Variants in HMGCL observed in about 807,000 individuals in gnomAD.
The protein encoded by HMGCL is hydroxymethylglutaryl-CoA lyase, mitochondrial.
A neutral mutation model predicts 37.3 loss-of-function variants in HMGCL; 26 were observed. The observed-to-expected ratio is 0.70, with a 90% CI of 0.51 to 0.97. HMGCL has a LOEUF of 0.97. Among genes scored for constraint, HMGCL ranks in the 50% least tolerant of loss-of-function variants. The pLI is 0.00. For missense variants in HMGCL, 379 were observed against 398.1 expected (o/e 0.95, Z 0.41); for synonymous variants, 151 against 148.0 (o/e 1.02, Z -0.15).
Position 23,804,403 on chromosome 1 carries a change from G to C in HMGCL, c.873C>G (p.His291Gln). The change falls in exon 8 of 9, where the codon CAC becomes CAG. Residue 291 changes from histidine to glutamine, a missense_variant. Coordinates refer to ENST00000374490, the MANE Select transcript of HMGCL (RefSeq NM_000191.3). ...ACCAGGGGGTGGGTGGGCTTACCGT[G>C]TGAATGCCCAAGCCCTCTAGCATGT... Reference protein sequence around the residue: ...LVYMLEGLGIHTGVNLQKLLE... With the variant: ...LVYMLEGLGIQTGVNLQKLLE... The C allele has an allele frequency of 6.2e-7, 1 of 1,614,200 alleles. No individual in the cohort carries two copies. Among genetic ancestry groups the C allele is most frequent in the Non-Finnish European group, 8.5e-7 (1 of 1,180,036 alleles).
intron 7 of HMGCL, among the ~76,000 whole-genome samples, chr1:23,807,588 G>A (rs1638435436): frequency 6.6e-6 from 1 of 152,166 alleles, no homozygotes; most frequent in Admixed American, 6.5e-5. Context: ...ACTAATCTGA[G>A]GTCTTAGCTC....
intron 8 of HMGCL, 55 bp from the exon 9 acceptor site, chr1:23,802,619 G>A (rs1638305253): frequency 9.1e-7 from 1 of 1,101,912 alleles, no homozygotes; most frequent in African/African-American, 1.5e-5. Context: ...TCAACACCAG[G>A]GAAAACATCA....
chr1:23,805,081 T>C lies in HMGCL; in HGVS notation c.751-556A>G, dbSNP rs72872185. Reference sequence around the variant, plus strand: ...TGCTGCTTTATGGAAATGGATGCAATCAAGAGATGTCTCCATTGATTCCCA... The same window carrying C: ...TGCTGCTTTATGGAAATGGATGCAACCAAGAGATGTCTCCATTGATTCCCA... On this transcript the variant is annotated intron_variant, in intron 7 of 8. Transcript: ENST00000374490. Among the ~76,000 whole-genome samples the C allele has an allele frequency of 1.2e-3, 182 of 152,122 alleles. 1 individual carries two copies. Among genetic ancestry groups the C allele is most frequent in the African/African-American group, 4.3e-3 (179 of 41,492 alleles).
rs183053047 is a variant in HMGCL at position 23,813,563 on chromosome 1, C to T, written c.497+627G>A. Among the ~76,000 whole-genome samples, 11 of 152,172 alleles carry T rather than the reference C, an allele frequency of 7.2e-5. No homozygotes were observed. In the East Asian group the frequency reaches 1.4e-3, roughly 19 times the overall value. On this transcript the variant is annotated intron_variant, in intron 5 of 8. Transcript: ENST00000374490. ...GATTACAGGTGTGAGCCACCATGCC[C>T]GGCCTCTGGCTGCAATTTGCACAGC...
rs1391681111 is a variant in HMGCL, at chr1:23,816,777, A to G, written c.253-7T>C. On this transcript the variant is annotated splice_region_variant and splice_polypyrimidine_tract_variant and intron_variant, in intron 3 of 8. Coordinates refer to ENST00000374490, the MANE Select transcript of HMGCL (RefSeq NM_000191.3). Reference sequence around the variant, plus strand: ...CTTCAGTGTGGTCACCCATCTAGGAACCAAGGGAGACATTGCCAAGTCATC... The same window carrying G: ...CTTCAGTGTGGTCACCCATCTAGGAGCCAAGGGAGACATTGCCAAGTCATC... 3.8e-6 allele frequency: 6 copies of G among 1,566,932 alleles called. No homozygotes were observed. Among genetic ancestry groups the G allele is most frequent in the Admixed American group, 1.7e-5 (1 of 59,982 alleles).
chr1:23,813,756 T>C (rs190588715), intron 5 of HMGCL: 121 of 218,476 alleles, frequency 5.5e-4, no homozygotes, highest in Non-Finnish European at 9.2e-4. Flanking sequence ...GTTGGAAACA[T>C]AGAAGCCTAG....
At position 23,820,377 on chromosome 1, in the gene HMGCL, C is replaced by T. The variant is rs548449795; in HGVS notation, c.144+133G>A. On this transcript the variant is annotated intron_variant, in intron 2 of 8. Transcript: ENST00000374490. Reference sequence around the variant, plus strand: ...CAGGTGTCTGTCCCTGTTTGGCCTCCTCTACTCTCCCCTAACTTGTGCAGA... The same window carrying T: ...CAGGTGTCTGTCCCTGTTTGGCCTCTTCTACTCTCCCCTAACTTGTGCAGA... 7 of 736,018 alleles carry T rather than the reference C, an allele frequency of 9.5e-6. No individual in the cohort carries two copies. In the African/African-American group the frequency reaches 1.0e-4, roughly 11 times the overall value. The allele number at this position is 736,018 out of a possible 1,614,324, so 45.6% of individuals were successfully genotyped here. A position where few individuals can be genotyped will look rare whatever the true frequency, so the allele number is the denominator to read the frequency against.
intron 5 of HMGCL, among the ~76,000 whole-genome samples, chr1:23,812,336 C>T (rs1033202023): frequency 5.9e-5 from 9 of 152,154 alleles, no homozygotes; most frequent in African/African-American, 2.2e-4. Flanking sequence ...GAGTTATCCC[C>T]GAGAAGCATG....
intron 5 of HMGCL, among the ~76,000 whole-genome samples, chr1:23,812,445 C>T (rs981778806): frequency 6.6e-6 from 1 of 152,134 alleles, no homozygotes; most frequent in Admixed American, 6.6e-5. Flanking sequence ...CAGCTTGGAC[C>T]TCCCAGGCTC....
At chr1:23,823,707 C>T (rs1638764710) in intron 1 of HMGCL, among the ~76,000 whole-genome samples, 1 of 151,954 alleles carries the variant, frequency 6.6e-6, no homozygotes, top group Admixed American at 6.6e-5. Context: ...CAGGTAGGAA[C>T]TATCATCATC....
chr1:23,813,767 G>A (rs1358350675), intron 5 of HMGCL: 5 of 226,804 alleles, frequency 2.2e-5, no homozygotes, highest in African/African-American at 9.0e-5. Context: ...AGAAGCCTAG[G>A]TAATTCTCCA....
At chr1:23,816,599 G>A in intron 4 of HMGCL, 76 bp downstream of exon 4, 2 of 917,362 alleles carry the variant, frequency 2.2e-6, no homozygotes, top group Non-Finnish European at 3.7e-6. Context: ...ACAGGGGACT[G>A]AGGCGCCAAG....
chr1:23,814,903 G>C (rs927145550), intron 4 of HMGCL, among the ~76,000 whole-genome samples: 1 of 151,928 alleles, frequency 6.6e-6, no homozygotes, highest in Non-Finnish European at 1.5e-5. Context: ...CCATACGACT[G>C]GTGACCTTAA....
chr1:23,805,736 T>C (rs1215415618), intron 7 of HMGCL, among the ~76,000 whole-genome samples: 1 of 152,028 alleles, frequency 6.6e-6, no homozygotes, highest in African/African-American at 2.4e-5. Flanking sequence ...AGCTTCTCTA[T>C]CTCCACTCAC....
At chr1:23,815,802 C>T (rs1638601762) in intron 4 of HMGCL, among the ~76,000 whole-genome samples, 1 of 151,450 alleles carries the variant, frequency 6.6e-6, no homozygotes, top group African/African-American at 2.4e-5. Flanking sequence ...GCCTGTAGTG[C>T]TTTCTTACAG....
In HMGCL at chr1:23,802,351, A is replaced by G; in HGVS notation, c.*112T>C. 1 of 785,214 alleles carries G rather than the reference A, an allele frequency of 1.3e-6. No individual in the cohort carries two copies. The highest frequency in any genetic ancestry group is 3.0e-4 in the Middle Eastern group (1 of 3,312). The allele number at this position is 785,214 out of a possible 1,614,324, so 48.6% of individuals were successfully genotyped here. ...GAGAGACCTCTGTGTAGAGCTGGCT[A>G]TGAGGTACCTGCACCATTTAACCTA... is the stretch of plus-strand genomic sequence containing the variant. On this transcript the variant is annotated 3_prime_UTR_variant, in exon 9 of 9. Transcript: ENST00000374490.
At chr1:23,811,466 T>C (rs1158620795) in intron 5 of HMGCL, among the ~76,000 whole-genome samples, 1 of 152,144 alleles carries the variant, frequency 6.6e-6, no homozygotes. Flanking sequence ...AGAAGTGATG[T>C]GCCACAGAGG....
Position 23,808,222 on chromosome 1 carries a change from G to C in HMGCL, c.663C>G (p.Val221=), listed in dbSNP as rs143884026. ...PGIMKDMLSA[V]MQEVPLAALA... is the part of the protein sequence containing the mutation. Reference sequence around the variant, plus strand: ...GGGCAGCCAGAGGCACTTCCTGCATGACAGCAGATAGCATGTCTTTCATGA... The same window carrying C: ...GGGCAGCCAGAGGCACTTCCTGCATCACAGCAGATAGCATGTCTTTCATGA... The change falls in exon 7 of 9, where the codon GTC becomes GTG. Residue 221 remains valine (V), a synonymous_variant. Coordinates refer to ENST00000374490, the MANE Select transcript of HMGCL (RefSeq NM_000191.3). 3.1e-6 allele frequency: 5 copies of C among 1,613,872 alleles called. No individual in the cohort carries two copies. The South Asian group carries it at 5.5e-5, about 18-fold the overall frequency.
intron 6 of HMGCL, among the ~76,000 whole-genome samples, chr1:23,808,532 C>T (rs1018707163): frequency 1.2e-4 from 19 of 152,150 alleles, no homozygotes; most frequent in Admixed American, 3.9e-4. Context: ...CAGAGCCAGC[C>T]GCTGGAGCCA....
Sources: gnomAD v4.1 joint callset for allele counts (sites outside exome capture counted in the v4.1 genomes callset) on GRCh38, gnomAD v4.1.1 for gene constraint, MANE v1.5 for transcripts, NCBI Gene and HGNC (gene_info 2026-07-23, HGNC 2026-07-21) for gene names.